Variants in CCNG1 observed in about 807,000 individuals in gnomAD.
The protein encoded by CCNG1 is cyclin G1.
A neutral mutation model predicts 30.0 loss-of-function variants in CCNG1; 13 were observed. The ratio of observed to expected loss-of-function variants is 0.43; its 90% CI spans 0.28 to 0.69. The LOEUF is 0.69. CCNG1 is among the 30% of genes least tolerant of loss of function. The probability of loss-of-function intolerance (pLI) is 0.16; values close to 1 mark genes in which losing one functional copy is unlikely to be tolerated. For missense variants in CCNG1, 285 were observed against 331.4 expected (o/e 0.86, Z 1.09); for synonymous variants, 110 against 121.5 (o/e 0.91, Z 0.62).
chr5:163,441,777 A>C, intron 3 of CCNG1, 109 bp from the exon 4 acceptor site: 1 of 660,376 alleles, frequency 1.5e-6, no homozygotes, highest in Admixed American at 2.8e-5. Flanking sequence ...TTGCTATGTT[A>C]AGTGTGCATA....
At chr5:163,447,839 C>G (rs993427954), downstream of CCNG1, 1 of 152,160 alleles carries the variant, frequency 6.6e-6, no homozygotes, top group Non-Finnish European at 1.5e-5. Context: ...CTAAATAACT[C>G]ATGATACTAC....
rs1757811232 is a variant in CCNG1, at chr5:163,441,416, G to C, written c.518+85G>C. ...ATTGCATAAAATCAGTATCCTCATA[G>C]AATTCTAATAAAAATAAGTAAAATG... On this transcript the variant is annotated intron_variant, in intron 3 of 6. Transcript: ENST00000340828. 5 of 1,247,410 alleles carry C rather than the reference G, an allele frequency of 4.0e-6. No individual in the cohort carries two copies. In the African/African-American group the frequency reaches 4.5e-5, roughly 11 times the overall value. The allele number at this position is 1,247,410 out of a possible 1,614,324, so 77.3% of individuals were successfully genotyped here.
downstream of CCNG1, among the ~76,000 whole-genome samples, chr5:163,445,633 T>TTTTTTTTC (rs1758022437): frequency 6.8e-6 from 1 of 147,268 alleles, no homozygotes; most frequent in Middle Eastern, 3.4e-3. Context: ...TTTTTTTTTT[T>TTTTTTTTC]TTTTGTAGAG....
the CCNG1 span, among the ~76,000 whole-genome samples, chr5:163,455,885 G>T: frequency 2.6e-5 from 4 of 152,164 alleles, no homozygotes; most frequent in Non-Finnish European, 4.4e-5. Flanking sequence ...AGTTGGTGGT[G>T]AAAAGTGGCC....
intron 3 of CCNG1, 188 bp from the exon 4 acceptor site, chr5:163,441,698 A>C (rs1757823234): frequency 1.6e-5 from 9 of 550,988 alleles, no homozygotes; most frequent in Middle Eastern, 9.6e-4. Context: ...CAAATCATCT[A>C]AAACTCCCAT....
the CCNG1 span, chr5:163,457,486 A>G: frequency 1.1e-6 from 1 of 885,054 alleles, no homozygotes; most frequent in Non-Finnish European, 1.9e-6. Context: ...AAAGACAAAA[A>G]AGACCTAATA....
chr5:163,448,711 C>T (rs910235833), downstream of CCNG1: 3 of 152,024 alleles, frequency 2.0e-5, no homozygotes, highest in South Asian at 2.1e-4. Context: ...CCAAAATGAA[C>T]ACAGACATAA....
chr5:163,440,349 T>G (rs575902051), intron 2 of CCNG1, among the ~76,000 whole-genome samples: 1 of 152,310 alleles, frequency 6.6e-6, no homozygotes, highest in African/African-American at 2.4e-5. Flanking sequence ...TATAATTCAG[T>G]CTTATGTGAG....
chr5:163,453,234 G>A, the CCNG1 span: 1 of 152,134 alleles, frequency 6.6e-6, no homozygotes, highest in East Asian at 1.9e-4. Flanking sequence ...TGAATAAAAT[G>A]TCTATAGACA....
chr5:163,439,182 C>A, intron 1 of CCNG1, 75 bp from the exon 2 acceptor site: 1 of 1,306,524 alleles, frequency 7.7e-7, no homozygotes, highest in Non-Finnish European at 1.1e-6. Context: ...ATTTCTTGGC[C>A]CAGTGCAAAG....
downstream of CCNG1, chr5:163,447,705 T>C (rs1050672017): frequency 6.6e-6 from 1 of 152,200 alleles, no homozygotes; most frequent in Non-Finnish European, 1.5e-5. Flanking sequence ...AACCACATCA[T>C]GGGTCTTAAA....
the CCNG1 span, among the ~76,000 whole-genome samples, chr5:163,454,608 T>A: frequency 3.9e-5 from 6 of 152,376 alleles, no homozygotes; most frequent in African/African-American, 1.4e-4. Context: ...CCCAAAGTGC[T>A]GGGATTACAG....
rs1757954119 is a variant in CCNG1 at position 163,443,931 on chromosome 5, CTG to C, written c.*264_*265del. On this transcript the variant is annotated 3_prime_UTR_variant, in exon 7 of 7. Coordinates refer to ENST00000340828, the MANE Select transcript of CCNG1 (RefSeq NM_004060.4). ...CTAATGACAAGCCTGAGAAGGTAAA[CTG>C]TGAATCTTCATTTCTATCATTGATC... 2.1e-6 allele frequency: 1 copy of C among 482,002 alleles called. No homozygotes were observed. The highest frequency in any genetic ancestry group is 3.7e-6 in the Non-Finnish European group (1 of 273,696). The allele number at this position is 482,002 out of a possible 1,614,324, so 29.9% of individuals were successfully genotyped here.
chr5:163,442,005 T>A, intron 4 of CCNG1, 40 bp from the exon 5 acceptor site: 1 of 1,586,510 alleles, frequency 6.3e-7, no homozygotes, highest in Middle Eastern at 1.7e-4. Flanking sequence ...ATATGATCTG[T>A]TTTTATATTT....
At chr5:163,439,585 T>C (rs1757702310) in intron 2 of CCNG1, 65 bp downstream of exon 2, 3 of 1,440,184 alleles carry the variant, frequency 2.1e-6, no homozygotes, top group Non-Finnish European at 2.8e-6. Context: ...TTGTTACCTT[T>C]TGGCTGGTAT....
rs1309874317 is a variant in CCNG1 at position 163,439,264 on chromosome 5, A to C, written c.8A>C (p.Glu3Ala). The C allele has an allele frequency of 6.2e-7, 1 of 1,612,844 alleles. No homozygotes were observed. Among genetic ancestry groups the C allele is most frequent in the Non-Finnish European group, 8.5e-7 (1 of 1,179,784 alleles). MI[E>A]VLTTTDSQKL... Reference sequence around the variant, plus strand: ...CTTTTTTTCTATATATAGATGATAGAGGTACTGACAACAACTGACTCTCAG... The same window carrying C: ...CTTTTTTTCTATATATAGATGATAGCGGTACTGACAACAACTGACTCTCAG... Residue 3 changes from glutamate to alanine, a missense_variant, in exon 2 of 7, where the codon GAG (glutamate) becomes GCG (alanine). Coordinates refer to ENST00000340828, the MANE Select transcript of CCNG1 (RefSeq NM_004060.4).
At position 163,442,708 on chromosome 5, in the gene CCNG1, T is replaced by C. The variant is rs2069356; in HGVS notation, c.*3+140T>C. On this transcript the variant is annotated intron_variant, in intron 6 of 6. Coordinates refer to ENST00000340828, the MANE Select transcript of CCNG1 (RefSeq NM_004060.4). ...GGGGGAGATGACATCACTGATCTAG[T>C]CAGCTAATATTTGAAGGCCTTTACT... 1,628 of 662,710 alleles carry C rather than the reference T, an allele frequency of 2.5e-3. 19 individuals are homozygous for C. In the African/African-American group the frequency reaches 0.025, roughly 10 times the overall value. 41.1% of individuals were successfully genotyped at this position (662,710 alleles called of 1,614,324 possible). A position where few individuals can be genotyped will look rare whatever the true frequency, so the allele number is the denominator to read the frequency against.
At chr5:163,443,311 C>CAAAAAAAAAAAAAAAAAA (rs35396845) in intron 6 of CCNG1, among the ~76,000 whole-genome samples, 1 of 90,224 alleles carries the variant, frequency 1.1e-5, no homozygotes. Context: ...GACTCCGCCA[C>CAAAAAAAAAAAAAAAAAA]AAAAAAAAAA....
rs1252155207 is a variant in CCNG1, at chr5:163,441,139, T to C, written c.326T>C (p.Ile109Thr). ...TGCTTTTATTTGGCTGTAAAATCAATAGAAGAGGAAAGGAATGTCCCATTG... is the reference window on the plus strand; with the variant it reads ...TGCTTTTATTTGGCTGTAAAATCAACAGAAGAGGAAAGGAATGTCCCATTG... ...LSCFYLAVKS[I>T]EEERNVPLAT... Residue 109 changes from isoleucine to threonine, a missense_variant, in exon 3 of 7, where the codon ATA becomes ACA. Physicochemically the swap from Ile to Thr is moderately conservative, Grantham distance 89. Transcript: ENST00000340828. 2 of 1,613,910 alleles carry C rather than the reference T, an allele frequency of 1.2e-6. No homozygotes were observed. The highest frequency in any genetic ancestry group is 2.2e-5 in the East Asian group (1 of 44,862).
Sources: gnomAD v4.1 joint callset for allele counts (sites outside exome capture counted in the v4.1 genomes callset) on GRCh38, gnomAD v4.1.1 for gene constraint, MANE v1.5 for transcripts, NCBI Gene and HGNC (gene_info 2026-07-23, HGNC 2026-07-21) for gene names.